DPP6: variants seen among roughly 807,000 people sequenced by gnomAD.
The protein encoded by DPP6 is dipeptidyl peptidase like 6, also known as A-type potassium channel modulatory protein DPP6.
In DPP6, 69 loss-of-function variants were observed where a neutral mutation model predicts 122.6. The observed-to-expected ratio is 0.56, with a 90% CI of 0.46 to 0.69. DPP6 has a LOEUF of 0.69. DPP6 is among the 30% of genes least tolerant of loss of function. The pLI, the probability that DPP6 is intolerant of heterozygous loss-of-function variation, is 0.00. For synonymous variants in DPP6, 418 were observed against 433.1 expected, an observed-to-expected ratio of 0.97 and a Z score of 0.43; for missense variants, 928 against 1,116.9, an observed-to-expected ratio of 0.83 and a Z score of 2.41.
At chr7:154,678,815 A>G (rs1182408176) in intron 7 of DPP6, among the ~76,000 whole-genome samples, 5 of 152,212 alleles carry the variant, frequency 3.3e-5, no homozygotes, top group African/African-American at 1.2e-4. Flanking sequence ...CTTGACTGAG[A>G]GACTTAATCC....
At chr7:153,866,552 C>T in the DPP6 span, among the ~76,000 whole-genome samples, 719 of 152,232 alleles carry the variant, frequency 4.7e-3, 8 homozygotes, top group African/African-American at 0.016. Flanking sequence ...GATATTCACC[C>T]TTTGTCAGAT....
intron 1 of DPP6, among the ~76,000 whole-genome samples, chr7:154,203,483 C>A (rs1011799211): frequency 6.6e-6 from 1 of 152,172 alleles, no homozygotes; most frequent in Non-Finnish European, 1.5e-5. Context: ...TCTGTGCTTA[C>A]GGACTGGGCT....
chr7:154,700,231 A>G (rs1487809609), intron 7 of DPP6, among the ~76,000 whole-genome samples: 2 of 152,250 alleles, frequency 1.3e-5, no homozygotes, highest in African/African-American at 2.4e-5. Context: ...TGGTTCCATT[A>G]ATCAATAAAT....
intron 7 of DPP6, among the ~76,000 whole-genome samples, chr7:154,686,806 C>A (rs1839638449): frequency 6.6e-6 from 1 of 152,050 alleles, no homozygotes; most frequent in Non-Finnish European, 1.5e-5. Context: ...ATTTCGGATG[C>A]ATTTTAAATG....
intron 20 of DPP6, among the ~76,000 whole-genome samples, chr7:154,880,544 G>A (rs978840743): frequency 6.6e-6 from 1 of 152,184 alleles, no homozygotes; most frequent in Non-Finnish European, 1.5e-5. Flanking sequence ...CACAGGCTCT[G>A]GGTGGGGGCC....
At chr7:154,421,070 T>C (rs1817430675) in intron 1 of DPP6, among the ~76,000 whole-genome samples, 1 of 152,216 alleles carries the variant, frequency 6.6e-6, no homozygotes, top group African/African-American at 2.4e-5. Context: ...ATTCGAAGTC[T>C]GAGTCTCCCA....
intron 1 of DPP6, among the ~76,000 whole-genome samples, chr7:153,972,494 C>T (rs1796071877): frequency 6.6e-6 from 1 of 151,652 alleles, no homozygotes; most frequent in South Asian, 2.1e-4. Context: ...CTCTGAGATG[C>T]CTACCAATAT....
intron 5 of DPP6, among the ~76,000 whole-genome samples, chr7:154,623,690 CAG>C (rs1249886658): frequency 1.3e-5 from 2 of 152,126 alleles, no homozygotes; most frequent in East Asian, 1.9e-4. Context: ...CATGCACACA[CAG>C]AGTCATTCAG....
intron 1 of DPP6, among the ~76,000 whole-genome samples, chr7:154,005,958 G>A (rs1797897883): frequency 6.6e-6 from 1 of 152,102 alleles, no homozygotes; most frequent in African/African-American, 2.4e-5. Flanking sequence ...CTTTTTTCCT[G>A]CTCACCTTAT....
intron 3 of DPP6, among the ~76,000 whole-genome samples, chr7:154,487,854 G>A (rs1205131297): frequency 1.3e-5 from 2 of 152,094 alleles, no homozygotes; most frequent in African/African-American, 4.8e-5. Flanking sequence ...AGACTCACTT[G>A]ATCTCTTCGG....
intron 1 of DPP6, among the ~76,000 whole-genome samples, chr7:154,380,985 G>A (rs1469154855): frequency 1.3e-5 from 2 of 152,220 alleles, no homozygotes; most frequent in Non-Finnish European, 2.9e-5. Context: ...GTCCAGGGTG[G>A]ATGGCAGATG....
At chr7:154,759,399 G>T (rs1419134077) in intron 8 of DPP6, among the ~76,000 whole-genome samples, 1 of 152,218 alleles carries the variant, frequency 6.6e-6, no homozygotes. Context: ...AGAGCACGGG[G>T]ACGTTCTCCC....
intron 1 of DPP6, among the ~76,000 whole-genome samples, chr7:154,124,352 G>A (rs1807722265): frequency 6.6e-6 from 1 of 152,092 alleles, no homozygotes; most frequent in South Asian, 2.1e-4. Flanking sequence ...CAGGGGAGGA[G>A]GGTGAGAGCA....
At chr7:154,728,166 T>G (rs1842160273) in intron 8 of DPP6, among the ~76,000 whole-genome samples, 1 of 152,206 alleles carries the variant, frequency 6.6e-6, no homozygotes, top group African/African-American at 2.4e-5. Flanking sequence ...AATTCATCCC[T>G]GAAGGGCAGG....
chr7:154,598,943 G>A (rs754551357), intron 5 of DPP6, among the ~76,000 whole-genome samples: 4 of 152,156 alleles, frequency 2.6e-5, no homozygotes, highest in Non-Finnish European at 5.9e-5. Flanking sequence ...TGGACCTTGG[G>A]TTAAGGGGGC....
chr7:154,450,419 T>C (rs1345827342), intron 2 of DPP6, among the ~76,000 whole-genome samples: 3 of 152,216 alleles, frequency 2.0e-5, no homozygotes, highest in East Asian at 1.9e-4. Flanking sequence ...CTTTATGATA[T>C]GTGAATTTCA....
chr7:154,445,714 A>G (rs1049227270), intron 1 of DPP6, among the ~76,000 whole-genome samples: 1 of 152,198 alleles, frequency 6.6e-6, no homozygotes, highest in Non-Finnish European at 1.5e-5. Flanking sequence ...AAATTGGCAC[A>G]TAGCATGTGC....
At chr7:153,915,424 T>C (rs1210142387) in intron 1 of DPP6, among the ~76,000 whole-genome samples, 1 of 152,184 alleles carries the variant, frequency 6.6e-6, no homozygotes, top group Non-Finnish European at 1.5e-5. Flanking sequence ...AATAAGCTCA[T>C]GAAATGGAAC....
In DPP6 at chr7:154,176,574, G is replaced by A. The variant is rs138368837; in HGVS notation, c.243+123511G>A. ...TTTCACTATATGTGTCTGCGTATGT[G>A]TGTGTCCAGAGTCACCATGTAAAAT... On this transcript the variant is annotated intron_variant, in intron 1 of 25. Transcript: ENST00000377770. 5.2e-3 allele frequency among the ~76,000 whole-genome samples: 797 copies of A among 152,342 alleles called. 5 individuals are homozygous for A. The highest frequency in any genetic ancestry group is 0.027 in the South Asian group (132 of 4,826).
Sources: allele counts gnomAD v4.1 joint callset (sites outside exome capture counted in the v4.1 genomes callset), GRCh38; gene constraint gnomAD v4.1.1; transcripts MANE v1.5; gene names NCBI Gene and HGNC (gene_info 2026-07-23, HGNC 2026-07-21).